Variants in CUL9 observed in about 807,000 individuals in gnomAD.
CUL9 encodes cullin-9.
A neutral mutation model predicts 272.6 loss-of-function variants in CUL9; 79 were observed. That is an observed-to-expected ratio of 0.29 (90% CI 0.24 to 0.35). The LOEUF is 0.35. CUL9 is among the 10% of genes least tolerant of loss of function. The probability of loss-of-function intolerance (pLI) is 1.00; values close to 1 mark genes in which losing one functional copy is unlikely to be tolerated. For synonymous variants in CUL9, 1,186 were observed against 1,286.5 expected (o/e 0.92, Z 1.67); for missense variants, 2,532 against 3,255.6 (o/e 0.78, Z 5.41).
chr6:43,186,570 T>TGAGGCAGGGCCCACTCCTGATAAG, intron 4 of CUL9, 115 bp downstream of exon 4: 5 of 1,409,204 alleles, frequency 3.5e-6, no homozygotes, highest in South Asian at 1.4e-5. Flanking sequence ...CCTGGGGAAT[T>TGAGGCAGGGCCCACTCCTGATAAG]GGAATGATAC....
rs950515687 is a variant in CUL9, at chr6:43,212,476, G to A, written c.5213-673G>A. Among the ~76,000 whole-genome samples the A allele has an allele frequency of 4.6e-5, 7 of 152,172 alleles. 1 individual carries two copies. Among genetic ancestry groups the A allele is most frequent in the South Asian group, 2.1e-4 (1 of 4,812 alleles). On this transcript the variant is annotated intron_variant, in intron 26 of 40. Transcript: ENST00000252050. ...TAACTGTTTATCTACCCTGAAGTCC[G>A]GTTTATACAGGAAAGGCTTGATTGT... is the stretch of plus-strand genomic sequence containing the variant.
chr6:43,202,073 G>A (rs192854634), intron 16 of CUL9, among the ~76,000 whole-genome samples: 13 of 152,314 alleles, frequency 8.5e-5, no homozygotes, highest in African/African-American at 3.1e-4. Flanking sequence ...AACTGACTGG[G>A]AAATCCTCAG....
rs150504259 is a variant in CUL9 at position 43,187,433 on chromosome 6, G to T, written c.1575G>T (p.Leu525=). 16 of 1,613,890 alleles carry T rather than the reference G, an allele frequency of 9.9e-6. No individual in the cohort carries two copies. The highest frequency in any genetic ancestry group is 1.4e-5 in the Non-Finnish European group (16 of 1,179,982). Residue 525 remains leucine (L), a synonymous_variant, in exon 6 of 41, where the codon CTG becomes CTT. Coordinates refer to ENST00000252050, the MANE Select transcript of CUL9 (RefSeq NM_015089.4). ...TTTTCCAGAATCTTTGGAAGAACCT[G>T]GATGAGGTATTATAGGTCTGAGATA... ...QPIFQNLWKN[L]DETLGEKALG...
chr6:43,195,476 G>A (rs531262307), intron 9 of CUL9, among the ~76,000 whole-genome samples: 5 of 152,222 alleles, frequency 3.3e-5, no homozygotes, highest in Non-Finnish European at 7.3e-5. Context: ...GAGACTTGGT[G>A]TATAGGTGGT....
chr6:43,188,668 G>A lies in CUL9; in HGVS notation c.2133G>A (p.Glu711=). Residue 711 remains glutamate (E), a synonymous_variant, in exon 8 of 41, where the codon GAG becomes GAA. Transcript: ENST00000252050. ...GLSALSQAVE[E]VTERDHPLVR... ...CTGCCCTCTCTCAGGCTGTGGAGGAGGTCACTGAGCGGGACCACCCTCTGG... is the reference window on the plus strand; with the variant it reads ...CTGCCCTCTCTCAGGCTGTGGAGGAAGTCACTGAGCGGGACCACCCTCTGG... The A allele has an allele frequency of 6.2e-7, 1 of 1,614,108 alleles. No individual in the cohort carries two copies. The highest frequency in any genetic ancestry group is 8.5e-7 in the Non-Finnish European group (1 of 1,180,018).
Position 43,194,974 on chromosome 6 carries a change from G to T in CUL9, c.2389-1095G>T, listed in dbSNP as rs1263953736. 2.0e-5 allele frequency among the ~76,000 whole-genome samples: 3 copies of T among 152,126 alleles called. No homozygotes were observed. In the East Asian group the frequency reaches 5.8e-4, roughly 30 times the overall value. ...GGAGGCTGAGGCGGGAGAATCGCTT[G>T]AACCCAGGAGCGGGAGGTTGCTGTG... On this transcript the variant is annotated intron_variant, in intron 9 of 40. Coordinates refer to ENST00000252050, the MANE Select transcript of CUL9 (RefSeq NM_015089.4).
At position 43,222,233 on chromosome 6, in the gene CUL9, C is replaced by T. The variant is rs1021022104; in HGVS notation, c.6847-83C>T. Reference sequence around the variant, plus strand: ...AATCGGGGGAGGTGTAGAAAGGCCTCCGTGAATGTTGGCTTTTCCACTTAT... The same window carrying T: ...AATCGGGGGAGGTGTAGAAAGGCCTTCGTGAATGTTGGCTTTTCCACTTAT... On this transcript the variant is annotated intron_variant, in intron 35 of 40. Coordinates refer to ENST00000252050, the MANE Select transcript of CUL9 (RefSeq NM_015089.4). 1.3e-5 allele frequency: 14 copies of T among 1,085,388 alleles called. No homozygotes were observed. In the African/African-American group the frequency reaches 2.2e-4, roughly 17 times the overall value. 67.2% of individuals were successfully genotyped at this position (1,085,388 alleles called of 1,614,324 possible).
Position 43,221,820 on chromosome 6 carries a change from G to T in CUL9, c.6846+42G>T. 1.3e-6 allele frequency: 2 copies of T among 1,552,856 alleles called. No homozygotes were observed. Among genetic ancestry groups the T allele is most frequent in the Non-Finnish European group, 8.8e-7 (1 of 1,135,730 alleles). ...TAGGGGAGGGCAGAGGCCCAGAGCC[G>T]TCGGGGAGGGGTGCTGCTACCAGGT... On this transcript the variant is annotated intron_variant, in intron 35 of 40. Transcript: ENST00000252050. The surrounding 1 kb of genome is among the most constrained non-coding windows in gnomAD (Gnocchi z 4.2).
Position 43,203,254 on chromosome 6 carries a change from GT to G in CUL9, c.3849+53del, listed in dbSNP as rs1774765548. 8.7e-6 allele frequency: 14 copies of G among 1,607,712 alleles called. No homozygotes were observed. Among genetic ancestry groups the G allele is most frequent in the Non-Finnish European group, 1.2e-5 (14 of 1,174,332 alleles). On this transcript the variant is annotated intron_variant, in intron 18 of 40. Coordinates refer to ENST00000252050, the MANE Select transcript of CUL9 (RefSeq NM_015089.4). This position sits in a 1 kb window ranked among gnomAD's most constrained non-coding sequence, Gnocchi z 5.0. ...CTGAGGAGGAGGAGGTGGCACACAA[GT>G]TTCTCCTTGATCTGCTTGGGAGATG...
Position 43,220,318 on chromosome 6 carries a change from A to G in CUL9, c.6283-141A>G. Reference sequence around the variant, plus strand: ...TGGAGAGAGGAGTCAGCATTGGTTGATCTAGAGGCAGGCTTGTTTCTGGCC... The same window carrying G: ...TGGAGAGAGGAGTCAGCATTGGTTGGTCTAGAGGCAGGCTTGTTTCTGGCC... On this transcript the variant is annotated intron_variant, in intron 31 of 40. Transcript: ENST00000252050. The surrounding 1 kb of genome is among the most constrained non-coding windows in gnomAD (Gnocchi z 4.9). 1 of 945,102 alleles carries G rather than the reference A, an allele frequency of 1.1e-6. No individual in the cohort carries two copies. The highest frequency in any genetic ancestry group is 1.6e-6 in the Non-Finnish European group (1 of 617,982). 58.5% of individuals were successfully genotyped at this position (945,102 alleles called of 1,614,324 possible).
Position 43,184,362 on chromosome 6 carries a change from C to G in CUL9, c.52C>G (p.Leu18Val). Residue 18 changes from leucine (L) to valine (V), a missense_variant, in exon 2 of 41, where the codon CTG becomes GTG. Around this residue, in one of 3 missense-constraint regions of CUL9, gnomAD observed 2,218 missense variants for 2,788.6 expected, o/e 0.80. Transcript: ENST00000252050. The surrounding 1 kb of genome is among the most constrained non-coding windows in gnomAD (Gnocchi z 4.8). ...GDLMVPLGPR[L>V]QAYPEELIRQ... ...CCTCATGGTGCCCTTAGGGCCTCGGCTGCAGGCATATCCTGAAGAACTCAT... is the reference window on the plus strand; with the variant it reads ...CCTCATGGTGCCCTTAGGGCCTCGGGTGCAGGCATATCCTGAAGAACTCAT... 1 of 1,593,970 alleles carries G rather than the reference C, an allele frequency of 6.3e-7. No individual in the cohort carries two copies. Among genetic ancestry groups the G allele is most frequent in the Non-Finnish European group, 8.6e-7 (1 of 1,167,084 alleles).
At position 43,204,502 on chromosome 6, in the gene CUL9, T is replaced by G. The variant is rs1266526660; in HGVS notation, c.4302T>G (p.Pro1434=). The G allele has an allele frequency of 2.5e-6, 4 of 1,613,974 alleles. No individual in the cohort carries two copies. Among genetic ancestry groups the G allele is most frequent in the Non-Finnish European group, 3.4e-6 (4 of 1,180,032 alleles). The change falls in exon 21 of 41, where the codon CCT becomes CCG. Residue 1434 remains proline (P), a synonymous_variant. Transcript: ENST00000252050. ...RLCHLLVHVE[P]PPGPSPEPST... ...GCCACTTGCTGGTGCATGTGGAACCTCCTCCTGGGCCTTCTCCTGAGCCAT... is the reference window on the plus strand; with the variant it reads ...GCCACTTGCTGGTGCATGTGGAACCGCCTCCTGGGCCTTCTCCTGAGCCAT...
chr6:43,187,523 C>T (rs568427391), intron 6 of CUL9, 84 bp downstream of exon 6: 36 of 1,443,468 alleles, frequency 2.5e-5, no homozygotes, highest in Non-Finnish European at 3.1e-5. Context: ...TAGGGGTTAC[C>T]GCTTAGGGGG....
In CUL9 at chr6:43,206,389, A is replaced by G. The variant is rs1775047300; in HGVS notation, c.5091A>G (p.Ile1697Met). Residue 1697 changes from isoleucine to methionine, a missense_variant, in exon 26 of 41, where the codon ATA (isoleucine) becomes ATG (methionine). Ile to Met is a conservative substitution (Grantham distance 10). This residue lies in a region of CUL9 where 2,218 missense variants were observed against 2,788.6 expected (regional missense o/e 0.80). Transcript: ENST00000252050. The surrounding 1 kb of genome is among the most constrained non-coding windows in gnomAD (Gnocchi z 4.8). ...FIEDPSPAIS[I>M]LVLSPRCWPV... is the part of the protein sequence containing the mutation. ...AAGATCCAAGTCCAGCCATTTCTAT[A>G]CTGGTCCTGTCACCACGCTGCTGGC... 1.9e-6 allele frequency: 3 copies of G among 1,614,154 alleles called. No individual in the cohort carries two copies. Among genetic ancestry groups the G allele is most frequent in the Non-Finnish European group, 2.5e-6 (3 of 1,180,040 alleles).
At chr6:43,194,838 C>T (rs1267210216) in intron 9 of CUL9, among the ~76,000 whole-genome samples, 2 of 152,100 alleles carry the variant, frequency 1.3e-5, no homozygotes, top group Non-Finnish European at 2.9e-5. Context: ...GGTGGATCAC[C>T]TGAGGTGAGG....
Position 43,188,020 on chromosome 6 carries a change from C to T in CUL9, c.1889C>T (p.Thr630Ile). 1 of 1,613,910 alleles carries T rather than the reference C, an allele frequency of 6.2e-7. No individual in the cohort carries two copies. Among genetic ancestry groups the T allele is most frequent in the South Asian group, 1.1e-5 (1 of 91,064 alleles). Residue 630 changes from threonine to isoleucine, a missense_variant, in exon 7 of 41, where the codon ACC becomes ATC. Transcript: ENST00000252050. The part of the protein sequence containing the change: ...KTEAEPTKTR[T>I]ETPMAQSDSQ... Reference sequence around the variant, plus strand: ...GAGGCCGAGCCCACCAAGACAAGGACCGAGACCCCCATGGCACAGAGTGAT... The same window carrying T: ...GAGGCCGAGCCCACCAAGACAAGGATCGAGACCCCCATGGCACAGAGTGAT...
At chr6:43,219,882 G>A (rs1468376178) in intron 31 of CUL9, among the ~76,000 whole-genome samples, 1 of 152,184 alleles carries the variant, frequency 6.6e-6, no homozygotes, top group East Asian at 1.9e-4. Flanking sequence ...GGGAGCAAGA[G>A]AACGATATGA....
Position 43,186,208 on chromosome 6 carries a change from G to C in CUL9, c.1004G>C (p.Arg335Pro). 6.2e-7 allele frequency: 1 copy of C among 1,614,180 alleles called. No individual in the cohort carries two copies. The highest frequency in any genetic ancestry group is 8.5e-7 in the Non-Finnish European group (1 of 1,180,038). The change falls in exon 4 of 41, where the codon CGG (arginine) becomes CCG (proline). Residue 335 changes from arginine to proline, a missense_variant. Arg to Pro is a moderately radical substitution (Grantham distance 103). This residue lies in a region of CUL9 where 2,218 missense variants were observed against 2,788.6 expected (regional missense o/e 0.80). Coordinates refer to ENST00000252050, the MANE Select transcript of CUL9 (RefSeq NM_015089.4). ...EQGMSPPRPT[R>P]SIFQPYISGP... ...GGCATGTCACCTCCCCGGCCAACCC[G>C]GTCCATCTTTCAGCCCTACATTTCA...
intron 3 of CUL9, 50 bp from the exon 4 acceptor site, chr6:43,185,905 A>T: frequency 6.5e-7 from 1 of 1,537,318 alleles, no homozygotes; most frequent in South Asian, 1.3e-5. Flanking sequence ...GGAAGGGGAG[A>T]GGCTAAAGCC....
Sources: allele counts gnomAD v4.1 joint callset (sites outside exome capture counted in the v4.1 genomes callset), GRCh38; gene constraint gnomAD v4.1.1; regional missense constraint gnomAD v4.1.1; non-coding constraint Gnocchi (gnomAD v3.1); transcripts MANE v1.5; gene names NCBI Gene and HGNC (gene_info 2026-07-23, HGNC 2026-07-21).